PTK2: variants seen among roughly 807,000 people sequenced by gnomAD.
PTK2 encodes the protein focal adhesion kinase 1.
Under a neutral mutation model 150.1 loss-of-function variants are expected in PTK2, and 45 were observed. The ratio of observed to expected loss-of-function variants is 0.30; its 90% confidence interval spans 0.24 to 0.38. The LOEUF (loss-of-function observed/expected upper bound fraction) is 0.38. Among genes scored for constraint, PTK2 ranks in the 10% least tolerant of loss-of-function variants. The probability of loss-of-function intolerance (pLI) is 1.00; values close to 1 mark genes in which losing one functional copy is unlikely to be tolerated. For synonymous variants in PTK2, 432 were observed against 449.2 expected (o/e 0.96, Z 0.48); for missense variants, 919 against 1,307.3 (o/e 0.70, Z 4.58).
intron 31 of PTK2, among the ~76,000 whole-genome samples, chr8:140,661,701 G>C (rs146728174): frequency 6.6e-6 from 1 of 152,296 alleles, no homozygotes; most frequent in Non-Finnish European, 1.5e-5. Context: ...CAGAGGTCTT[G>C]GCAGGAGAGG....
In PTK2 at chr8:140,846,418, CAAAA is replaced by C. The variant is rs1184827378; in HGVS notation, c.531-100_531-97del. The C allele has an allele frequency of 7.0e-6, 9 of 1,290,946 alleles. No individual in the cohort carries two copies. In the African/African-American group the frequency reaches 1.3e-4, roughly 19 times the overall value. The allele number at this position is 1,290,946 out of a possible 1,614,324, so 80.0% of individuals were successfully genotyped here. On this transcript the variant is annotated intron_variant, in intron 6 of 31. Transcript: ENST00000522684. ...GGGGGAGAGGCATCTGAATAATAAACAAAAATTAACAGCAACAAATGCAATTACT... is the reference window on the plus strand; with the variant it reads ...GGGGGAGAGGCATCTGAATAATAAACATTAACAGCAACAAATGCAATTACT...
chr8:140,747,854 C>T (rs190415651), intron 17 of PTK2, among the ~76,000 whole-genome samples: 1 of 152,120 alleles, frequency 6.6e-6, no homozygotes, highest in African/African-American at 2.4e-5. Context: ...TTCCTATGGA[C>T]ATATGTGACC....
intron 10 of PTK2, among the ~76,000 whole-genome samples, chr8:140,811,372 C>T (rs2100101445): frequency 1.3e-5 from 2 of 152,192 alleles, no homozygotes; most frequent in Non-Finnish European, 2.9e-5. Context: ...ATCAAACCCT[C>T]AAGGTCATCA....
At chr8:140,872,264 T>C (rs1346263920) in intron 4 of PTK2, among the ~76,000 whole-genome samples, 1 of 151,870 alleles carries the variant, frequency 6.6e-6, no homozygotes, top group Non-Finnish European at 1.5e-5. Flanking sequence ...AGGCTGGTCT[T>C]GAACTCACAG....
chr8:140,829,969 G>A (rs1030023065), intron 8 of PTK2, among the ~76,000 whole-genome samples: 2 of 152,128 alleles, frequency 1.3e-5, no homozygotes, highest in African/African-American at 4.8e-5. Context: ...TCTCCACGCT[G>A]GATATGGGAA....
intron 2 of PTK2, among the ~76,000 whole-genome samples, chr8:140,894,716 C>A (rs961177476): frequency 6.6e-6 from 1 of 152,106 alleles, no homozygotes; most frequent in Non-Finnish European, 1.5e-5. Context: ...CAAAATAACC[C>A]CACAAAGTAG....
chr8:140,885,030 A>C (rs971369369), intron 3 of PTK2, among the ~76,000 whole-genome samples: 1 of 152,198 alleles, frequency 6.6e-6, no homozygotes, highest in Non-Finnish European at 1.5e-5. Flanking sequence ...ATGGGATAAG[A>C]ATACTGTCCA....
intron 8 of PTK2, among the ~76,000 whole-genome samples, chr8:140,822,657 C>T (rs2100109477): frequency 1.3e-5 from 2 of 152,206 alleles, no homozygotes; most frequent in Non-Finnish European, 2.9e-5. Context: ...ACAACCACCA[C>T]ATCCCTATGG....
chr8:140,974,718 T>C (rs2100188641), intron 1 of PTK2, among the ~76,000 whole-genome samples: 1 of 152,210 alleles, frequency 6.6e-6, no homozygotes. Flanking sequence ...TTGGTTGGAC[T>C]CCTTTCTGAT....
At chr8:140,681,519 C>G (rs2100016881) in intron 27 of PTK2, among the ~76,000 whole-genome samples, 1 of 152,028 alleles carries the variant, frequency 6.6e-6, no homozygotes, top group African/African-American at 2.4e-5. Context: ...CGCCTGGAAT[C>G]CCAGCACTTT....
chr8:140,805,205 A>G (rs944010911), intron 10 of PTK2, among the ~76,000 whole-genome samples: 2 of 152,164 alleles, frequency 1.3e-5, no homozygotes, highest in African/African-American at 4.8e-5. Context: ...TACTAACAAC[A>G]TAGTTAAAAG....
At chr8:140,814,662 A>C (rs1247341385) in intron 10 of PTK2, among the ~76,000 whole-genome samples, 2 of 152,234 alleles carry the variant, frequency 1.3e-5, no homozygotes, top group Non-Finnish European at 2.9e-5. Context: ...GTACCTCACA[A>C]TAATACATAA....
rs576814703 is a variant in PTK2 at position 140,764,098 on chromosome 8, T to C, written c.1234+136A>G. On this transcript the variant is annotated intron_variant, in intron 15 of 31. Coordinates refer to ENST00000522684, the Ensembl canonical transcript of PTK2. ...TGTAAGTAATATAGAATGGTAAAGG[T>C]TGAAAAGAATATTTCTGTTCAGCAT... 314 of 805,484 alleles carry C rather than the reference T, an allele frequency of 3.9e-4. No individual in the cohort carries two copies. The African/African-American group carries it at 4.4e-3, about 11-fold the overall frequency. The allele number at this position is 805,484 out of a possible 1,614,324, so 49.9% of individuals were successfully genotyped here.
intron 14 of PTK2, 47 bp downstream of exon 15, chr8:140,770,669 G>A: frequency 9.8e-7 from 1 of 1,024,374 alleles, no homozygotes; most frequent in Non-Finnish European, 1.3e-6. Context: ...AGTTTCTCTG[G>A]AGTGCTCTGG....
chr8:140,927,904 A>G (rs140464753), intron 1 of PTK2, among the ~76,000 whole-genome samples: 3,030 of 140,234 alleles, frequency 0.022, 116 homozygotes, highest in African/African-American at 0.076. Context: ...GAGATTGTCC[A>G]GCCTGGGCAA....
intron 14 of PTK2, among the ~76,000 whole-genome samples, chr8:140,788,673 G>A (rs1046903957): frequency 6.6e-5 from 10 of 152,156 alleles, no homozygotes; most frequent in African/African-American, 2.4e-4. Flanking sequence ...GACAGAGTGA[G>A]ACTCTGTCTC....
chr8:140,671,362 T>C (rs1456292934), intron 29 of PTK2, among the ~76,000 whole-genome samples: 5 of 152,138 alleles, frequency 3.3e-5, no homozygotes, highest in African/African-American at 1.2e-4. Context: ...GCTGGAATTA[T>C]AGGGTCACAC....
intron 14 of PTK2, among the ~76,000 whole-genome samples, chr8:140,782,200 G>A (rs945036664): frequency 6.9e-6 from 1 of 145,172 alleles, no homozygotes; most frequent in Non-Finnish European, 1.5e-5. Flanking sequence ...ATGTCACAAA[G>A]CATATAATTT....
At chr8:140,831,095 A>T (rs1055594879) in intron 7 of PTK2, among the ~76,000 whole-genome samples, 1 of 152,224 alleles carries the variant, frequency 6.6e-6, no homozygotes, top group African/African-American at 2.4e-5. Flanking sequence ...GCCCTAGGTA[A>T]AAAAGGTGAA....
Sources: gnomAD v4.1 joint callset for allele counts (sites outside exome capture counted in the v4.1 genomes callset) on GRCh38, gnomAD v4.1.1 for gene constraint, MANE v1.5 for transcripts, NCBI Gene and HGNC (gene_info 2026-07-23, HGNC 2026-07-21) for gene names.